ZNF366: variants seen among roughly 807,000 people sequenced by gnomAD.
ZNF366 encodes zinc finger protein 366.
In ZNF366, 20 loss-of-function variants were observed where a neutral mutation model predicts 47.2. The ratio of observed to expected loss-of-function variants is 0.42; its 90% CI spans 0.30 to 0.62. ZNF366 has a LOEUF of 0.62. Among genes scored for constraint, ZNF366 ranks in the 20% least tolerant of loss-of-function variants. The pLI is 0.16. For synonymous variants in ZNF366, 421 were observed against 395.1 expected, an observed-to-expected ratio of 1.07 and a Z score of -0.78; for missense variants, 987 against 976.3, an observed-to-expected ratio of 1.01 and a Z score of -0.15.
chr5:72,490,133 G>T (rs1178388232), intron 1 of ZNF366, among the ~76,000 whole-genome samples: 1 of 152,240 alleles, frequency 6.6e-6, no homozygotes, highest in Non-Finnish European at 1.5e-5. Context: ...CAGGCTTCAA[G>T]AGTAGCTTCA....
chr5:72,490,583 G>A (rs1476762627), intron 1 of ZNF366, among the ~76,000 whole-genome samples: 1 of 152,162 alleles, frequency 6.6e-6, no homozygotes, highest in African/African-American at 2.4e-5. Flanking sequence ...CACTGTGCTG[G>A]GCATGGAGGG....
intron 1 of ZNF366, among the ~76,000 whole-genome samples, chr5:72,466,478 A>G (rs1188044474): frequency 1.3e-5 from 2 of 152,236 alleles, no homozygotes; most frequent in Non-Finnish European, 2.9e-5. Context: ...TGTCAAACCC[A>G]AAGTCTCAGA....
intron 4 of ZNF366, 73 bp downstream of exon 4, chr5:72,447,170 C>T: frequency 6.5e-7 from 1 of 1,546,262 alleles, no homozygotes; most frequent in Non-Finnish European, 8.8e-7. Context: ...AAGGTAATGC[C>T]CCATAAAACG....
Position 72,443,834 on chromosome 5 carries a change from GTA to G in ZNF366, c.2155_2156del (p.Tyr719LeufsTer6), listed in dbSNP as rs1204893639. 2 of 1,614,180 alleles carry G rather than the reference GTA, an allele frequency of 1.2e-6. No individual in the cohort carries two copies. Among genetic ancestry groups the G allele is most frequent in the Non-Finnish European group, 1.7e-6 (2 of 1,180,042 alleles). ...TCAAACTCTCATCTCTGTGCTTGAA[GTA>G]TAAGTAATCAGAAAAAGAGGGGCCC... The part of the protein sequence containing the change: ...RRGPSFSDYL[Y>X]FKHRDESLKE... On this transcript the variant is annotated frameshift_variant, in exon 5 of 5. Coordinates refer to ENST00000318442, the MANE Select transcript of ZNF366 (RefSeq NM_152625.3). LOFTEE classifies it high-confidence loss of function.
chr5:72,495,395 G>T (rs1006224254), intron 1 of ZNF366, among the ~76,000 whole-genome samples: 43 of 152,226 alleles, frequency 2.8e-4, no homozygotes, highest in African/African-American at 1.0e-3. Flanking sequence ...ACTCCCCATG[G>T]TCATGCTGTT....
chr5:72,447,206 T>C, intron 4 of ZNF366, 37 bp downstream of exon 4: 3 of 1,609,248 alleles, frequency 1.9e-6, no homozygotes, highest in Non-Finnish European at 2.5e-6. Context: ...TGTTGTCCAC[T>C]GGACTGACTT....
chr5:72,507,319 C>T lies in ZNF366; in HGVS notation c.-83G>A, dbSNP rs772321596. On this transcript the variant is annotated 5_prime_UTR_variant, in exon 1 of 5. Transcript: ENST00000318442. Reference sequence around the variant, plus strand: ...CCTGATCCCTGCTCTCTCTGTCTCTCTCCCTCTCTCTCTCCCTCTTTCTCT... The same window carrying T: ...CCTGATCCCTGCTCTCTCTGTCTCTTTCCCTCTCTCTCTCCCTCTTTCTCT... 1.2e-4 allele frequency: 121 copies of T among 985,552 alleles called. No homozygotes were observed. The highest frequency in any genetic ancestry group is 1.4e-4 in the Non-Finnish European group (117 of 830,024). 61.1% of individuals were successfully genotyped at this position (985,552 alleles called of 1,614,324 possible). A position where few individuals can be genotyped will look rare whatever the true frequency, so the allele number is the denominator to read the frequency against.
At position 72,461,256 on chromosome 5, in the gene ZNF366, T is replaced by A. The variant is rs1235113713; in HGVS notation, c.241A>T (p.Ser81Cys). The change falls in exon 2 of 5, where the codon AGC becomes TGC. Residue 81 changes from serine to cysteine, a missense_variant. Physicochemically the swap from Ser to Cys is moderately radical, Grantham distance 112. This residue lies in a region of ZNF366 where 591 missense variants were observed against 560.9 expected (regional missense o/e 1.05). Transcript: ENST00000318442. ...FEGAGSRKRK[S>C]MPTKMPYNHP... is the part of the protein sequence containing the mutation. ...TTATAGGGCATCTTTGTGGGCATGC[T>A]CTTCCGTTTCCTAGACCCTGCTCCT... is the stretch of plus-strand genomic sequence containing the variant. The A allele has an allele frequency of 6.2e-7, 1 of 1,614,120 alleles. No individual in the cohort carries two copies. Among genetic ancestry groups the A allele is most frequent in the South Asian group, 1.1e-5 (1 of 91,082 alleles).
intron 4 of ZNF366, among the ~76,000 whole-genome samples, chr5:72,446,523 T>C (rs1458914517): frequency 6.6e-6 from 1 of 152,168 alleles, no homozygotes; most frequent in African/African-American, 2.4e-5. Context: ...ACATAAACTC[T>C]TCACTGCCAA....
chr5:72,456,914 T>C (rs555176674), intron 2 of ZNF366, among the ~76,000 whole-genome samples: 1 of 152,218 alleles, frequency 6.6e-6, no homozygotes, highest in South Asian at 2.1e-4. Flanking sequence ...AGGCTTTTAG[T>C]AAGAGCACTA....
chr5:72,450,092 A>G (rs1743035407), intron 3 of ZNF366, among the ~76,000 whole-genome samples: 1 of 152,244 alleles, frequency 6.6e-6, no homozygotes, highest in South Asian at 2.1e-4. Flanking sequence ...TGGTCTGAGA[A>G]GGTTTTGGAA....
intron 1 of ZNF366, chr5:72,472,617 G>A: frequency 1.1e-6 from 1 of 944,826 alleles, no homozygotes; most frequent in Non-Finnish European, 1.3e-6. Context: ...AAATAAAGAA[G>A]AATCGGTTAG....
In ZNF366 at chr5:72,474,156, G is replaced by C. The variant is rs145581933; in HGVS notation, c.-14-12646C>G. ...CACATTGTTTAAAGAGCATTTGTTG[G>C]TACTGGAGATGAACCTTTAACCTCT... On this transcript the variant is annotated intron_variant, in intron 1 of 4. Coordinates refer to ENST00000318442, the MANE Select transcript of ZNF366 (RefSeq NM_152625.3). Among the ~76,000 whole-genome samples, 455 of 152,290 alleles carry C rather than the reference G, an allele frequency of 3.0e-3. 1 individual carries two copies. The highest frequency in any genetic ancestry group is 4.3e-3 in the Non-Finnish European group (292 of 68,030).
rs1039440629 is a variant in ZNF366 at position 72,442,659 on chromosome 5, T to G, written c.*1097A>C. On this transcript the variant is annotated 3_prime_UTR_variant, in exon 5 of 5. Transcript: ENST00000318442. Reference sequence around the variant, plus strand: ...GTCTTCCTGCATCTGTCCTTTTTTTTTTTTTTTTTTTTTTGAGGCAGAGTC... The same window carrying G: ...GTCTTCCTGCATCTGTCCTTTTTTTGTTTTTTTTTTTTTTGAGGCAGAGTC... The G allele has an allele frequency of 6.7e-6, 1 of 148,858 alleles. No individual in the cohort carries two copies. The highest frequency in any genetic ancestry group is 2.5e-5 in the African/African-American group (1 of 40,160). 9.2% of individuals were successfully genotyped at this position (148,858 alleles called of 1,614,324 possible).
chr5:72,484,515 A>G (rs1743855248), intron 1 of ZNF366, among the ~76,000 whole-genome samples: 2 of 151,288 alleles, frequency 1.3e-5, no homozygotes. Context: ...AATAATAATA[A>G]TTTCATTAAT....
In ZNF366 at chr5:72,444,003, C is replaced by CA. The variant is rs1303051721; in HGVS notation, c.1987dup (p.Cys663LeufsTer20). ...GGATGCATCCTCCTTCTCCTCCTTG[C>CA]AGGCTTCCTCCAGCACCTCGGGGGC... On this transcript the variant is annotated frameshift_variant, in exon 5 of 5. Transcript: ENST00000318442. LOFTEE classifies it low-confidence loss of function (END_TRUNC). 2 of 1,614,082 alleles carry CA rather than the reference C, an allele frequency of 1.2e-6. No homozygotes were observed. Among genetic ancestry groups the CA allele is most frequent in the Non-Finnish European group, 1.7e-6 (2 of 1,180,034 alleles).
chr5:72,457,039 T>A (rs1743203669), intron 2 of ZNF366, among the ~76,000 whole-genome samples: 1 of 152,200 alleles, frequency 6.6e-6, no homozygotes, highest in African/African-American at 2.4e-5. Context: ...TGGGTTCTCA[T>A]TAATGGACTT....
At chr5:72,473,181 A>T (rs1183550760) in intron 1 of ZNF366, among the ~76,000 whole-genome samples, 1 of 152,212 alleles carries the variant, frequency 6.6e-6, no homozygotes, top group African/African-American at 2.4e-5. Context: ...AGTAGATAAA[A>T]CTGCCTGGAA....
At chr5:72,486,074 G>A (rs1311738578) in intron 1 of ZNF366, among the ~76,000 whole-genome samples, 1 of 152,150 alleles carries the variant, frequency 6.6e-6, no homozygotes. Flanking sequence ...CTAACACACT[G>A]TGCACCTTAC....
Sources: gnomAD v4.1 joint callset for allele counts (sites outside exome capture counted in the v4.1 genomes callset) on GRCh38, gnomAD v4.1.1 for gene constraint, gnomAD v4.1.1 regional missense constraint, MANE v1.5 for transcripts, NCBI Gene and HGNC (gene_info 2026-07-23, HGNC 2026-07-21) for gene names.